FAT4: variants seen among roughly 807,000 people sequenced by gnomAD.
FAT4 encodes protocadherin Fat 4.
A neutral mutation model predicts 303.9 loss-of-function variants in FAT4; 84 were observed. That is an observed-to-expected ratio of 0.28 (90% CI 0.23 to 0.33). The LOEUF (loss-of-function observed/expected upper bound fraction) is 0.33. Ranked by LOEUF, FAT4 falls within the 10% of genes least tolerant of loss-of-function variation. FAT4 has a pLI of 1.00. For synonymous variants in FAT4, 2,307 were observed against 2,298.8 expected (o/e 1.00, Z -0.10); for missense variants, 6,005 against 6,146.8 (o/e 0.98, Z 0.77).
rs139409407 is a variant in FAT4, at chr4:125,471,433, G to A, written c.12213+2614G>A. Among the ~76,000 whole-genome samples, 1,261 of 152,204 alleles carry A rather than the reference G, an allele frequency of 8.3e-3. 16 individuals are homozygous for A. The highest frequency in any genetic ancestry group is 0.029 in the African/African-American group (1,211 of 41,534). On this transcript the variant is annotated intron_variant, in intron 12 of 17. Coordinates refer to ENST00000394329, the MANE Select transcript of FAT4 (RefSeq NM_001291303.3). The stretch of plus-strand genomic sequence containing the variant: ...AGTGAAGAGCAATAAAATGAGGCAT[G>A]CATGTATTTATAGATTATATTGATT...
intron 5 of FAT4, among the ~76,000 whole-genome samples, chr4:125,409,660 T>C (rs925179744): frequency 6.6e-6 from 1 of 152,238 alleles, no homozygotes; most frequent in East Asian, 1.9e-4. Context: ...ATTTATACTT[T>C]ACATGTGTTT....
At chr4:125,457,124 C>T (rs1578667865) in intron 10 of FAT4, among the ~76,000 whole-genome samples, 1 of 62,116 alleles carries the variant, frequency 1.6e-5, no homozygotes, top group African/African-American at 1.3e-4. Context: ...TTCTCTCATA[C>T]ACACACACAC....
chr4:125,362,256 A>G (rs1291077777), intron 2 of FAT4, among the ~76,000 whole-genome samples: 1 of 151,884 alleles, frequency 6.6e-6, no homozygotes, highest in African/African-American at 2.4e-5. Flanking sequence ...TCAACTTTTT[A>G]GGGATATGCA....
chr4:125,378,753 T>A (rs1733428493), intron 2 of FAT4, among the ~76,000 whole-genome samples: 1 of 152,186 alleles, frequency 6.6e-6, no homozygotes, highest in East Asian at 1.9e-4. Flanking sequence ...ATGAATTCCA[T>A]ACTCAATATT....
At chr4:125,452,927 T>G (rs915406492) in intron 10 of FAT4, 117 bp downstream of exon 10, 42 of 1,288,036 alleles carry the variant, frequency 3.3e-5, no homozygotes, top group Non-Finnish European at 4.4e-5. Context: ...TAGTAACAAA[T>G]GTTTTTAAAC....
At chr4:125,420,934 T>C (rs780173142) in intron 7 of FAT4, among the ~76,000 whole-genome samples, 2 of 152,322 alleles carry the variant, frequency 1.3e-5, no homozygotes, top group Middle Eastern at 3.4e-3. Flanking sequence ...AGTTTTTGTT[T>C]GTTTGTTTGT....
intron 11 of FAT4, among the ~76,000 whole-genome samples, chr4:125,464,789 T>C (rs1020404170): frequency 3.3e-5 from 5 of 152,164 alleles, no homozygotes; most frequent in African/African-American, 1.2e-4. Context: ...GTCCTTGCGA[T>C]AGTTTGCTGA....
intron 11 of FAT4, 145 bp downstream of exon 11, chr4:125,463,812 C>A: frequency 2.0e-6 from 1 of 510,412 alleles, no homozygotes; most frequent in Middle Eastern, 5.4e-4. Context: ...AAATGTTTAA[C>A]ATTTGTAAAA....
In FAT4 at chr4:125,449,317, T is replaced by G; in HGVS notation, c.8307T>G (p.Asn2769Lys). 6.2e-7 allele frequency: 1 copy of G among 1,613,960 alleles called. No homozygotes were observed. Among genetic ancestry groups the G allele is most frequent in the Non-Finnish European group, 8.5e-7 (1 of 1,179,918 alleles). Residue 2769 changes from asparagine to lysine, a missense_variant, in exon 10 of 18, where the codon AAT (asparagine) becomes AAG (lysine). By Grantham distance (94) the Asn-to-Lys change is moderately conservative. Coordinates refer to ENST00000394329, the MANE Select transcript of FAT4 (RefSeq NM_001291303.3). ...VKVMINILDENDNAPRFSQIF... is the reference protein window; with the variant it reads ...VKVMINILDEKDNAPRFSQIF... ...TCATGATTAACATTTTAGATGAAAA[T>G]GATAATGCCCCTAGGTTTTCTCAGA...
chr4:125,417,941 A>G (rs1296658474), intron 7 of FAT4, among the ~76,000 whole-genome samples: 3 of 152,194 alleles, frequency 2.0e-5, no homozygotes, highest in African/African-American at 7.2e-5. Context: ...TGATCTTGAA[A>G]TTAATTCCCT....
intron 12 of FAT4, among the ~76,000 whole-genome samples, chr4:125,472,699 A>G (rs757856288): frequency 3.9e-5 from 6 of 152,232 alleles, no homozygotes; most frequent in Non-Finnish European, 7.3e-5. Flanking sequence ...CTACAACATT[A>G]AAGGAAATTT....
rs1374431769 is a variant in FAT4 at position 125,408,656 on chromosome 4, A to G, written c.5782A>G (p.Ile1928Val). Residue 1928 changes from isoleucine (I) to valine (V), a missense_variant, in exon 5 of 18, where the codon ATC becomes GTC. By Grantham distance (29) the Ile-to-Val change is conservative. Coordinates refer to ENST00000394329, the MANE Select transcript of FAT4 (RefSeq NM_001291303.3). ...AGATGGTGGGGGACAATTTACTACCATCAGAGTTTATTTCAATATTCTAGA... is the reference window on the plus strand; with the variant it reads ...AGATGGTGGGGGACAATTTACTACCGTCAGAGTTTATTTCAATATTCTAGA... The part of the protein sequence containing the change: ...AEDGGGQFTT[I>V]RVYFNILDVN... 1.2e-6 allele frequency: 2 copies of G among 1,610,466 alleles called. No individual in the cohort carries two copies. Among genetic ancestry groups the G allele is most frequent in the Admixed American group, 1.7e-5 (1 of 59,954 alleles).
At chr4:125,389,346 C>T (rs1733887450) in intron 2 of FAT4, among the ~76,000 whole-genome samples, 1 of 151,992 alleles carries the variant, frequency 6.6e-6, no homozygotes, top group African/African-American at 2.4e-5. Context: ...TATCATGTTT[C>T]TTGTACTAAA....
rs1486765570 is a variant in FAT4, at chr4:125,315,413, T to C, written c.-577T>C. ...TAGCGAGGGCAGGGGCGAGGCGCGC[T>C]AGAGTGGGCTTCTGACTGGGGCCGC... On this transcript the variant is annotated 5_prime_UTR_variant, in exon 1 of 18. Coordinates refer to ENST00000394329, the MANE Select transcript of FAT4 (RefSeq NM_001291303.3). Among the ~76,000 whole-genome samples, 3 of 151,946 alleles carry C rather than the reference T, an allele frequency of 2.0e-5. No homozygotes were observed. The highest frequency in any genetic ancestry group is 1.3e-4 in the Admixed American group (2 of 15,270).
intron 17 of FAT4, among the ~76,000 whole-genome samples, chr4:125,488,118 G>A (rs1283323629): frequency 2.6e-5 from 4 of 152,196 alleles, no homozygotes; most frequent in Non-Finnish European, 5.9e-5. Flanking sequence ...CTGTGGAATT[G>A]ACATGTATAC....
intron 2 of FAT4, among the ~76,000 whole-genome samples, chr4:125,340,788 A>G (rs72673291): frequency 0.048 from 7,273 of 152,254 alleles, 221 homozygotes; most frequent in Non-Finnish European, 0.07. Flanking sequence ...GTAACAGCAT[A>G]GTAACAGTAG....
At chr4:125,395,695 A>G (rs1416955163) in intron 2 of FAT4, among the ~76,000 whole-genome samples, 1 of 152,120 alleles carries the variant, frequency 6.6e-6, no homozygotes, top group Non-Finnish European at 1.5e-5. Flanking sequence ...TAAATGACCT[A>G]TGGAATTCTT....
chr4:125,363,973 A>T (rs893000515), intron 2 of FAT4, among the ~76,000 whole-genome samples: 2 of 152,166 alleles, frequency 1.3e-5, no homozygotes, highest in Admixed American at 1.3e-4. Flanking sequence ...TTAATTTAAC[A>T]TATATTTGCT....
At position 125,317,956 on chromosome 4, in the gene FAT4, C is replaced by T. The variant is rs1456788389; in HGVS notation, c.1545C>T (p.Val515=). The change falls in exon 2 of 18, where the codon GTC becomes GTT. Residue 515 remains valine, a synonymous_variant. Transcript: ENST00000394329. This position sits in a 1 kb window ranked among gnomAD's most constrained non-coding sequence, Gnocchi z 7.0. ...ATGCTAATCTGCGTTACAGCATTGT[C>T]TCTGGCAATGGACTGGGATGGTTCC... ...GLNANLRYSI[V]SGNGLGWFHI... is the part of the protein sequence containing the mutation. 1.2e-6 allele frequency: 2 copies of T among 1,614,132 alleles called. No individual in the cohort carries two copies. The highest frequency in any genetic ancestry group is 8.5e-7 in the Non-Finnish European group (1 of 1,180,032).
Sources: gnomAD v4.1 joint callset for allele counts (sites outside exome capture counted in the v4.1 genomes callset) on GRCh38, gnomAD v4.1.1 for gene constraint, Gnocchi (gnomAD v3.1) non-coding constraint, MANE v1.5 for transcripts, NCBI Gene and HGNC (gene_info 2026-07-23, HGNC 2026-07-21) for gene names.